The following IFIH1 variants were observed in gnomAD, a reference collection of about 807,000 sequenced individuals.
IFIH1 encodes the protein interferon-induced helicase C domain-containing protein 1.
Under a neutral mutation model 107.4 loss-of-function variants are expected in IFIH1, and 125 were observed. The observed-to-expected ratio is 1.16, with a 90% CI of 1.01 to 1.35. The LOEUF is 1.35. Among genes scored for constraint, IFIH1 ranks in the 40% most tolerant of loss-of-function variants. The pLI is 0.00. For missense variants in IFIH1, 1,333 were observed against 1,213.7 expected, an observed-to-expected ratio of 1.10 and a Z score of -1.46; for synonymous variants, 458 against 413.2, an observed-to-expected ratio of 1.11 and a Z score of -1.31.
chr2:162,290,994 G>T (rs1682987435), intron 4 of IFIH1, among the ~76,000 whole-genome samples: 1 of 151,758 alleles, frequency 6.6e-6, no homozygotes, highest in Admixed American at 6.6e-5. Flanking sequence ...CTTTATAAAA[G>T]AAATGTTTGG....
At chr2:162,271,568 G>T (rs946340310) in intron 13 of IFIH1, among the ~76,000 whole-genome samples, 4 of 152,050 alleles carry the variant, frequency 2.6e-5, no homozygotes, top group African/African-American at 9.7e-5. Context: ...TAACAGACCT[G>T]CACGTTGTGC....
At chr2:162,301,146 G>A (rs1683187219) in intron 3 of IFIH1, among the ~76,000 whole-genome samples, 1 of 152,090 alleles carries the variant, frequency 6.6e-6, no homozygotes, top group Non-Finnish European at 1.5e-5. Flanking sequence ...GAACATATGG[G>A]GAAATATGAG....
chr2:162,293,734 C>T, intron 3 of IFIH1, 66 bp from the exon 4 acceptor site: 1 of 969,392 alleles, frequency 1.0e-6, no homozygotes, highest in Non-Finnish European at 1.6e-6. Context: ...TTTAACTGCA[C>T]ACCTCTACAG....
intron 3 of IFIH1, 28 bp downstream of exon 3, chr2:162,306,681 T>C: frequency 1.9e-6 from 3 of 1,604,046 alleles, no homozygotes; most frequent in Non-Finnish European, 2.6e-6. Flanking sequence ...GTAATTACTG[T>C]ATTAAAGTAC....
In IFIH1 at chr2:162,277,599, T is replaced by G; in HGVS notation, c.1860A>C (p.Ile620=). The G allele has an allele frequency of 6.2e-7, 1 of 1,613,180 alleles. No homozygotes were observed. Among genetic ancestry groups the G allele is most frequent in the Non-Finnish European group, 8.5e-7 (1 of 1,179,300 alleles). The change falls in exon 10 of 16, where the codon ATA becomes ATC. Residue 620 remains isoleucine, a synonymous_variant. Transcript: ENST00000649979. ...ALQINDTIRM[I]DAYTHLETFY... The stretch of plus-strand genomic sequence containing the variant: ...AAGTTTCAAGATGAGTATACGCATC[T>G]ATCATTCGAATTGTGTCATTAATTT...
intron 11 of IFIH1, 81 bp from the exon 12 acceptor site, chr2:162,274,025 T>G: frequency 1.1e-6 from 1 of 942,220 alleles, no homozygotes; most frequent in Non-Finnish European, 1.6e-6. Flanking sequence ...AATAATAAAT[T>G]GCAACTGGTC....
chr2:162,318,600 G>C lies in IFIH1; in HGVS notation c.-293C>G, dbSNP rs1232443539. 1 of 206,748 alleles carries C rather than the reference G, an allele frequency of 4.8e-6. No individual in the cohort carries two copies. The highest frequency in any genetic ancestry group is 2.3e-5 in the African/African-American group (1 of 43,120). The allele number at this position is 206,748 out of a possible 1,614,324, so 12.8% of individuals were successfully genotyped here. A position where few individuals can be genotyped will look rare whatever the true frequency, so the allele number is the denominator to read the frequency against. On this transcript the variant is annotated 5_prime_UTR_variant, in exon 1 of 16. Transcript: ENST00000649979. ...CTTTGGACTCTGCGGTGTGCGCCTG[G>C]GGTCCCGGACCGGGGCGATCCTGCT...
intron 13 of IFIH1, among the ~76,000 whole-genome samples, chr2:162,268,636 C>G (rs929209510): frequency 6.6e-6 from 1 of 152,038 alleles, no homozygotes; most frequent in African/African-American, 2.4e-5. Flanking sequence ...GCTGCCCAGG[C>G]TGGAGTGTGT....
In IFIH1 at chr2:162,288,956, C is replaced by CACACAG. The variant is rs779518601; in HGVS notation, c.875-602_875-601insCTGTGT. Among the ~76,000 whole-genome samples the CACACAG allele has an allele frequency of 4.9e-3, 735 of 150,086 alleles. 4 individuals are homozygous for CACACAG. Among genetic ancestry groups the CACACAG allele is most frequent in the Non-Finnish European group, 7.8e-3 (528 of 67,340 alleles). ...ACACACACACACACACACACACACA[C>CACACAG]AGACACCCTATCTATCTCAAGTTCC... On this transcript the variant is annotated intron_variant, in intron 4 of 15. Coordinates refer to ENST00000649979, the MANE Select transcript of IFIH1 (RefSeq NM_022168.4).
Position 162,282,380 on chromosome 2 carries a change from C to A in IFIH1, c.1292G>T (p.Gly431Val). 6.2e-7 allele frequency: 1 copy of A among 1,608,608 alleles called. No homozygotes were observed. The change falls in exon 6 of 16, where the codon GGT becomes GTT. Residue 431 changes from glycine (G) to valine (V), a missense_variant. Physicochemically the swap from Gly to Val is moderately radical, Grantham distance 109 (BLOSUM62 -3). Transcript: ENST00000649979. Reference protein sequence around the residue: ...LLNLENGEDAGVQLSDFSLII... With the variant: ...LLNLENGEDAVVQLSDFSLII... ...CTTAAACTGACCTGACAATTGAACA[C>A]CAGCATCTTCTCCATTTTCCAAGTT...
intron 3 of IFIH1, among the ~76,000 whole-genome samples, chr2:162,306,117 G>A (rs775514286): frequency 3.3e-5 from 5 of 152,142 alleles, no homozygotes; most frequent in African/African-American, 4.8e-5. Context: ...CTCCTATCAC[G>A]AGCAGATTAG....
chr2:162,286,109 T>C (rs1374544455), intron 5 of IFIH1, among the ~76,000 whole-genome samples: 1 of 151,934 alleles, frequency 6.6e-6, no homozygotes, highest in Non-Finnish European at 1.5e-5. Flanking sequence ...GAAAAATGTC[T>C]GAAGGAGTAT....
At chr2:162,286,889 A>C (rs368017263) in intron 5 of IFIH1, among the ~76,000 whole-genome samples, 13 of 152,112 alleles carry the variant, frequency 8.5e-5, no homozygotes, top group African/African-American at 2.9e-4. Context: ...ATTTCAGAGC[A>C]GGGTAGTTAT....
chr2:162,288,449 A>T, intron 4 of IFIH1, 94 bp from the exon 5 acceptor site: 3 of 781,534 alleles, frequency 3.8e-6, no homozygotes, highest in East Asian at 2.7e-5. Context: ...TGTGCTTTAA[A>T]CTCCTTTTCA....
At chr2:162,283,230 G>A (rs562352943) in intron 5 of IFIH1, among the ~76,000 whole-genome samples, 30 of 152,054 alleles carry the variant, frequency 2.0e-4, no homozygotes, top group African/African-American at 7.2e-4. Context: ...AACCACAAGT[G>A]AGGAGTTAGG....
At chr2:162,293,723 T>TATATATATATATATA in intron 3 of IFIH1, 55 bp from the exon 4 acceptor site, 1 of 1,142,482 alleles carries the variant, frequency 8.8e-7, no homozygotes, top group Non-Finnish European at 1.3e-6. Flanking sequence ...AATAAACGTA[T>TATATATATATATATA]TTTAACTGCA....
chr2:162,309,276 T>C (rs1279345011), intron 2 of IFIH1, among the ~76,000 whole-genome samples: 3 of 152,150 alleles, frequency 2.0e-5, no homozygotes, highest in Admixed American at 1.3e-4. Context: ...CAGCTTTCTG[T>C]GAGGATAGCT....
intron 2 of IFIH1, among the ~76,000 whole-genome samples, chr2:162,309,370 A>G (rs1683350911): frequency 6.6e-6 from 1 of 152,212 alleles, no homozygotes; most frequent in African/African-American, 2.4e-5. Context: ...CCAAAAAGGA[A>G]ACTGCCTTGG....
intron 7 of IFIH1, among the ~76,000 whole-genome samples, chr2:162,280,496 G>T (rs1256099534): frequency 6.6e-6 from 1 of 151,960 alleles, no homozygotes; most frequent in African/African-American, 2.4e-5. Flanking sequence ...AGATAACCAT[G>T]TTACATGAGG....
Sources: gnomAD v4.1 joint callset for allele counts (sites outside exome capture counted in the v4.1 genomes callset) on GRCh38, gnomAD v4.1.1 for gene constraint, MANE v1.5 for transcripts, NCBI Gene and HGNC (gene_info 2026-07-23, HGNC 2026-07-21) for gene names.